Variants in KIAA0408 observed in about 807,000 individuals in gnomAD.
KIAA0408 encodes KIAA0408.
A neutral mutation model predicts 60.9 loss-of-function variants in KIAA0408; 51 were observed. The observed-to-expected ratio is 0.84, with a 90% CI of 0.67 to 1.06. The LOEUF (loss-of-function observed/expected upper bound fraction) is 1.06. Among genes scored for constraint, KIAA0408 ranks in the 50% least tolerant of loss-of-function variants. KIAA0408 has a pLI of 0.00. For synonymous variants in KIAA0408, 304 were observed against 282.4 expected, an observed-to-expected ratio of 1.08 and a Z score of -0.77; for missense variants, 787 against 833.9, an observed-to-expected ratio of 0.94 and a Z score of 0.69.
chr6:127,456,788 G>T (rs1324599807), intron 1 of KIAA0408, among the ~76,000 whole-genome samples: 2 of 151,886 alleles, frequency 1.3e-5, no homozygotes, highest in Admixed American at 1.3e-4. Context: ...AAGTGGTGGG[G>T]GGGGGGCATA....
chr6:127,444,081 C>A lies in KIAA0408; in HGVS notation c.*28G>T. On this transcript the variant is annotated 3_prime_UTR_variant, in exon 6 of 6. Coordinates refer to ENST00000483725, the MANE Select transcript of KIAA0408 (RefSeq NM_014702.5). ...TGTTTGACAAGTGGGACTAGAACTT[C>A]TGTAATATAGCAATCCAGGCCAAAG... The A allele has an allele frequency of 6.2e-7, 1 of 1,609,912 alleles. No individual in the cohort carries two copies. The highest frequency in any genetic ancestry group is 1.1e-5 in the South Asian group (1 of 90,864).
At position 127,439,970 on chromosome 6, in the gene KIAA0408, A is replaced by G. The variant is rs1177441044; in HGVS notation, c.*4139T>C. ...TGAATCTCAGGTTTCCCACCTCTAA[A>G]TGAACTTGTTCTGAGTTCATAGGTC... On this transcript the variant is annotated 3_prime_UTR_variant, in exon 6 of 6. Coordinates refer to ENST00000483725, the MANE Select transcript of KIAA0408 (RefSeq NM_014702.5). The G allele has an allele frequency of 6.6e-6, 1 of 152,164 alleles. No homozygotes were observed. Among genetic ancestry groups the G allele is most frequent in the Non-Finnish European group, 1.5e-5 (1 of 68,032 alleles). The allele number at this position is 152,164 out of a possible 1,614,324, so 9.4% of individuals were successfully genotyped here.
At chr6:127,455,608 A>G (rs928232257) in intron 1 of KIAA0408, among the ~76,000 whole-genome samples, 8 of 152,114 alleles carry the variant, frequency 5.3e-5, no homozygotes, top group Non-Finnish European at 1.2e-4. Context: ...TTTGGGATCT[A>G]TATTGTTACT....
intron 5 of KIAA0408, among the ~76,000 whole-genome samples, chr6:127,445,151 T>C (rs1357993910): frequency 6.6e-6 from 1 of 152,192 alleles, no homozygotes; most frequent in Non-Finnish European, 1.5e-5. Context: ...CTTTTTCTTT[T>C]TGGAGACTTA....
Position 127,443,962 on chromosome 6 carries a change from C to T in KIAA0408, c.*147G>A, listed in dbSNP as rs1226382132. The T allele has an allele frequency of 3.0e-6, 2 of 662,858 alleles. No individual in the cohort carries two copies. Among genetic ancestry groups the T allele is most frequent in the African/African-American group, 3.8e-5 (2 of 53,312 alleles). 41.1% of individuals were successfully genotyped at this position (662,858 alleles called of 1,614,324 possible). ...ATCAAAATGCAGGAAGATAATTATT[C>T]CTTAGATTAAAAACACTGAAGACTG... On this transcript the variant is annotated 3_prime_UTR_variant, in exon 6 of 6. Transcript: ENST00000483725.
In KIAA0408 at chr6:127,446,512, G is replaced by C; in HGVS notation, c.1807C>G (p.Gln603Glu). 2 of 1,614,120 alleles carry C rather than the reference G, an allele frequency of 1.2e-6. No homozygotes were observed. Among genetic ancestry groups the C allele is most frequent in the Non-Finnish European group, 1.7e-6 (2 of 1,180,014 alleles). The change falls in exon 5 of 6, where the codon CAG (glutamine) becomes GAG (glutamate). Residue 603 changes from glutamine to glutamate, a missense_variant. Around this residue, in one of 3 missense-constraint regions of KIAA0408, gnomAD observed 133 missense variants for 119.2 expected, o/e 1.12. Coordinates refer to ENST00000483725, the MANE Select transcript of KIAA0408 (RefSeq NM_014702.5). ...SDVSGGATLS[Q>E]HLEMLQMEQQ... is the part of the protein sequence containing the mutation. ...TCCATTTGGAGCATTTCTAAATGCT[G>C]ACTTAATGTGGCACCACCACTGACA...
rs763026849 is a variant in KIAA0408, at chr6:127,450,007, A to G, written c.481T>C (p.Ser161Pro). ...TTACTTACTGTACTGAGGGCGCCAG[A>G]ACAGCTCTTGCTGTCTTCCTCAGAA... ...RTSEEDSKSC[S>P]GALSTALEEL... The change falls in exon 3 of 6, where the codon TCT becomes CCT. Residue 161 changes from serine (S) to proline (P), a missense_variant. By Grantham distance (74) the Ser-to-Pro change is moderately conservative. This residue lies in a region of KIAA0408 where 640 missense variants were observed against 681.3 expected (regional missense o/e 0.94). Transcript: ENST00000483725. The G allele has an allele frequency of 6.2e-7, 1 of 1,613,850 alleles. No individual in the cohort carries two copies. The highest frequency in any genetic ancestry group is 1.1e-5 in the South Asian group (1 of 91,072).
chr6:127,440,845 A>T lies in KIAA0408; in HGVS notation c.*3264T>A, dbSNP rs911987550. 2 of 152,320 alleles carry T rather than the reference A, an allele frequency of 1.3e-5. No homozygotes were observed. Among genetic ancestry groups the T allele is most frequent in the African/African-American group, 4.8e-5 (2 of 41,442 alleles). The allele number at this position is 152,320 out of a possible 1,614,324, so 9.4% of individuals were successfully genotyped here. A position where few individuals can be genotyped will look rare whatever the true frequency, so the allele number is the denominator to read the frequency against. On this transcript the variant is annotated 3_prime_UTR_variant, in exon 6 of 6. Coordinates refer to ENST00000483725, the MANE Select transcript of KIAA0408 (RefSeq NM_014702.5). ...AGGATGTCAGTGTACGAGAAGCCAT[A>T]TGGAGTTTTGGGTGGCCAGGAGCAG...
chr6:127,443,968 A>T lies in KIAA0408; in HGVS notation c.*141T>A, dbSNP rs182380441. The T allele has an allele frequency of 5.7e-4, 409 of 712,650 alleles. 1 individual carries two copies. The African/African-American group carries it at 6.9e-3, about 12-fold the overall frequency. 44.1% of individuals were successfully genotyped at this position (712,650 alleles called of 1,614,324 possible). ...ATGCAGGAAGATAATTATTCCTTAGATTAAAAACACTGAAGACTGATGGAA... is the reference window on the plus strand; with the variant it reads ...ATGCAGGAAGATAATTATTCCTTAGTTTAAAAACACTGAAGACTGATGGAA... On this transcript the variant is annotated 3_prime_UTR_variant, in exon 6 of 6. Coordinates refer to ENST00000483725, the MANE Select transcript of KIAA0408 (RefSeq NM_014702.5).
chr6:127,438,806 T>C lies in KIAA0408; in HGVS notation c.*5303A>G, dbSNP rs547306211. 2 of 152,386 alleles carry C rather than the reference T, an allele frequency of 1.3e-5. No homozygotes were observed. The highest frequency in any genetic ancestry group is 4.8e-5 in the African/African-American group (2 of 41,588). 9.4% of individuals were successfully genotyped at this position (152,386 alleles called of 1,614,324 possible). ...TTTGTGCAGCATGTGACTGTAATTT[T>C]GAGTGAGGTTTATATTGGAAATTAC... On this transcript the variant is annotated 3_prime_UTR_variant, in exon 6 of 6. Coordinates refer to ENST00000483725, the MANE Select transcript of KIAA0408 (RefSeq NM_014702.5).
At chr6:127,452,610 A>G (rs1773320442) in intron 2 of KIAA0408, among the ~76,000 whole-genome samples, 1 of 152,194 alleles carries the variant, frequency 6.6e-6, no homozygotes, top group Admixed American at 6.5e-5. Flanking sequence ...AAAATTGGCT[A>G]GACTAATCCT....
At chr6:127,451,762 A>G (rs1554256438) in intron 2 of KIAA0408, among the ~76,000 whole-genome samples, 1 of 152,108 alleles carries the variant, frequency 6.6e-6, no homozygotes. Flanking sequence ...TTGTTTTTGC[A>G]TATTTTATAT....
chr6:127,445,803 G>C (rs1043307570), intron 5 of KIAA0408, among the ~76,000 whole-genome samples: 91 of 151,996 alleles, frequency 6.0e-4, no homozygotes, highest in Non-Finnish European at 1.9e-4. Flanking sequence ...ATTTGAGTGG[G>C]GTTTTTTTGG....
intron 5 of KIAA0408, among the ~76,000 whole-genome samples, chr6:127,445,290 T>C (rs769145742): frequency 1.3e-5 from 2 of 152,230 alleles, no homozygotes; most frequent in Admixed American, 1.3e-4. Context: ...CTCAGTATTA[T>C]TTCTTGTTAG....
At position 127,450,334 on chromosome 6, in the gene KIAA0408, G is replaced by T. The variant is rs1443162848; in HGVS notation, c.154C>A (p.Leu52Ile). 3.1e-6 allele frequency: 5 copies of T among 1,595,400 alleles called. No homozygotes were observed. The highest frequency in any genetic ancestry group is 4.3e-6 in the Non-Finnish European group (5 of 1,173,932). The change falls in exon 3 of 6, where the codon CTT becomes ATT. Residue 52 changes from leucine to isoleucine, a missense_variant. Coordinates refer to ENST00000483725, the MANE Select transcript of KIAA0408 (RefSeq NM_014702.5). ...TCATTGATATTGATTTTCCTCCAAA[G>T]CTTTACTTCCCGGCAAAGCTGTAAG... ...KIEELCREVK[L>I]WRKININESA...
chr6:127,453,334 A>G (rs1426085782), intron 2 of KIAA0408, among the ~76,000 whole-genome samples: 2 of 152,020 alleles, frequency 1.3e-5, no homozygotes, highest in Non-Finnish European at 2.9e-5. Context: ...GCACACCTTG[A>G]TAGAATAAAT....
intron 1 of KIAA0408, among the ~76,000 whole-genome samples, chr6:127,457,902 G>A (rs1457410073): frequency 1.3e-5 from 2 of 152,152 alleles, no homozygotes; most frequent in Non-Finnish European, 2.9e-5. Context: ...ACTAAACAGC[G>A]TTCCTTAGGG....
In KIAA0408 at chr6:127,442,762, G is replaced by A. The variant is rs1400159851; in HGVS notation, c.*1347C>T. On this transcript the variant is annotated 3_prime_UTR_variant, in exon 6 of 6. Transcript: ENST00000483725. ...ATAAGAATTTCTTAGTAAAAGAAAA[G>A]CTTAAATAGAGTTAATATCTAATAA... The A allele has an allele frequency of 6.6e-6, 1 of 152,198 alleles. No individual in the cohort carries two copies. The highest frequency in any genetic ancestry group is 6.5e-5 in the Admixed American group (1 of 15,276). 9.4% of individuals were successfully genotyped at this position (152,198 alleles called of 1,614,324 possible).
At chr6:127,453,384 C>A (rs1170148775) in intron 2 of KIAA0408, among the ~76,000 whole-genome samples, 1 of 151,902 alleles carries the variant, frequency 6.6e-6, no homozygotes, top group Non-Finnish European at 1.5e-5. Context: ...ATATGATACT[C>A]CTTTTGATTA....
Sources: gnomAD v4.1 joint callset for allele counts (sites outside exome capture counted in the v4.1 genomes callset) on GRCh38, gnomAD v4.1.1 for gene constraint, gnomAD v4.1.1 regional missense constraint, MANE v1.5 for transcripts, NCBI Gene and HGNC (gene_info 2026-07-23, HGNC 2026-07-21) for gene names.